NAALADL2: variants seen among roughly 807,000 people sequenced by gnomAD.
NAALADL2 encodes N-acetylated alpha-linked acidic dipeptidase like 2.
NAALADL2 carries 76 observed loss-of-function variants against 87.2 expected under a neutral mutation model. That is an observed-to-expected ratio of 0.87 (90% confidence interval 0.72 to 1.05). The LOEUF (loss-of-function observed/expected upper bound fraction) is 1.05, where lower values mean the gene tolerates loss of function less well. Ranked by LOEUF, NAALADL2 falls within the 50% of genes least tolerant of loss-of-function variation. The pLI, the probability that NAALADL2 is intolerant of heterozygous loss-of-function variation, is 0.00. For missense variants in NAALADL2, 1,089 were observed against 945.8 expected (o/e 1.15, Z -1.99); for synonymous variants, 354 against 331.0 (o/e 1.07, Z -0.75).
At chr3:174,955,451 A>G (rs1741017514) in intron 1 of NAALADL2, among the ~76,000 whole-genome samples, 1 of 152,046 alleles carries the variant, frequency 6.6e-6, no homozygotes, top group African/African-American at 2.4e-5. Context: ...AAGCAGTGAA[A>G]GGTTTTAGGA....
intron 1 of NAALADL2, among the ~76,000 whole-genome samples, chr3:175,064,803 T>C (rs1267038362): frequency 6.6e-6 from 1 of 152,088 alleles, no homozygotes; most frequent in Non-Finnish European, 1.5e-5. Flanking sequence ...GAAAACTCTC[T>C]GCGTAGAAAT....
rs531351731 is a variant in NAALADL2, at chr3:174,664,419, A to G, written c.-114-73222A>G. On this transcript the variant is annotated intron_variant, in intron 2 of 3. Transcript: ENST00000434257. ...ACTAATGCATAAATCATGAACTATG[A>G]GAATCTTTTTATGGGGTTTTTAGAA... Among the ~76,000 whole-genome samples, 6 of 152,276 alleles carry G rather than the reference A, an allele frequency of 3.9e-5. No homozygotes were observed. The South Asian group carries it at 1.2e-3, about 32-fold the overall frequency.
At chr3:175,780,763 T>C (rs1371345456) in intron 13 of NAALADL2, among the ~76,000 whole-genome samples, 1 of 152,184 alleles carries the variant, frequency 6.6e-6, no homozygotes, top group Non-Finnish European at 1.5e-5. Flanking sequence ...AACATTTCAA[T>C]GAAGTCATTT....
intron 11 of NAALADL2, among the ~76,000 whole-genome samples, chr3:175,732,979 G>T (rs1203669610): frequency 6.6e-6 from 1 of 152,010 alleles, no homozygotes; most frequent in Non-Finnish European, 1.5e-5. Flanking sequence ...TAGGTGATGG[G>T]TTGGTAAGTG....
chr3:174,592,629 C>T (rs913951362), intron 2 of NAALADL2, among the ~76,000 whole-genome samples: 5 of 152,112 alleles, frequency 3.3e-5, no homozygotes, highest in Non-Finnish European at 7.4e-5. Flanking sequence ...TTTAAAATTA[C>T]AACATATGAA....
chr3:174,609,224 A>G (rs1018043480), intron 2 of NAALADL2, among the ~76,000 whole-genome samples: 1 of 152,138 alleles, frequency 6.6e-6, no homozygotes, highest in Non-Finnish European at 1.5e-5. Context: ...ATGGGCAAAA[A>G]CTGGAAGCAT....
chr3:174,666,757 C>T (rs1725990806), intron 2 of NAALADL2, among the ~76,000 whole-genome samples: 1 of 152,132 alleles, frequency 6.6e-6, no homozygotes, highest in Non-Finnish European at 1.5e-5. Context: ...TAAGTATATT[C>T]ACATTGTTGT....
intron 1 of NAALADL2, among the ~76,000 whole-genome samples, chr3:174,971,886 T>C (rs1451409004): frequency 1.3e-5 from 2 of 152,116 alleles, no homozygotes; most frequent in African/African-American, 2.4e-5. Context: ...TTAGTAGAGA[T>C]GGATTTTCAC....
rs553795003 is a variant in NAALADL2, at chr3:174,545,853, T to G, written c.-183-4716T>G. ...ATTTTTTATTATTTTTTCATAATTT[T>G]TAGGAAATCTTTATTCTGTGATTAT... On this transcript the variant is annotated intron_variant, in intron 1 of 3. Coordinates refer to the NAALADL2 transcript ENST00000434257. Among the ~76,000 whole-genome samples the G allele has an allele frequency of 2.0e-4, 30 of 151,352 alleles. No individual in the cohort carries two copies. In the South Asian group the frequency reaches 4.3e-3, roughly 22 times the overall value.
intron 9 of NAALADL2, among the ~76,000 whole-genome samples, chr3:175,525,504 TTAAAAC>T (rs1052502976): frequency 3.3e-5 from 5 of 152,154 alleles, no homozygotes; most frequent in African/African-American, 1.2e-4. Context: ...ATCAAAGCAT[TTAAAAC>T]TAAAAAGTTT....
intron 10 of NAALADL2, among the ~76,000 whole-genome samples, chr3:175,580,140 G>A (rs986013247): frequency 1.8e-4 from 27 of 152,034 alleles, no homozygotes; most frequent in African/African-American, 4.6e-4. Flanking sequence ...TTCAAGTACC[G>A]TAGGTATTTT....
intron 9 of NAALADL2, among the ~76,000 whole-genome samples, chr3:175,482,091 T>G (rs188419948): frequency 6.6e-6 from 1 of 152,082 alleles, no homozygotes; most frequent in East Asian, 1.9e-4. Flanking sequence ...GTTATTCACT[T>G]TTCAATAAGA....
In NAALADL2 at chr3:175,234,095, G is replaced by A. The variant is rs1745432827; in HGVS notation, c.710G>A (p.Gly237Asp). The A allele has an allele frequency of 1.2e-6, 2 of 1,613,742 alleles. No individual in the cohort carries two copies. The highest frequency in any genetic ancestry group is 1.7e-5 in the Admixed American group (1 of 59,976). The part of the protein sequence containing the change: ...SPSTVTLSSS[G>D]QCFHPNGQPC... ...AGCACTGTGACTCTGAGCAGCAGTG[G>A]TCAATGCTTTCATCCTAATGGCCAG... Residue 237 changes from glycine (G) to aspartate (D), a missense_variant, in exon 3 of 14, where the codon GGT (glycine) becomes GAT (aspartate). Transcript: ENST00000454872.
At chr3:174,906,123 G>A (rs1468174603) in intron 1 of NAALADL2, among the ~76,000 whole-genome samples, 1 of 151,932 alleles carries the variant, frequency 6.6e-6, no homozygotes, top group East Asian at 1.9e-4. Context: ...TCAGGACATT[G>A]TACATTATAT....
chr3:174,457,546 C>T (rs1160374290), intron 1 of NAALADL2, among the ~76,000 whole-genome samples: 5 of 152,072 alleles, frequency 3.3e-5, no homozygotes, highest in Non-Finnish European at 7.4e-5. Context: ...GTGAGATCAT[C>T]CGGGCACGGA....
chr3:175,241,855 ATTTTTTTT>A (rs779567135), intron 3 of NAALADL2, among the ~76,000 whole-genome samples: 12 of 83,812 alleles, frequency 1.4e-4, no homozygotes, highest in Admixed American at 5.5e-4. Flanking sequence ...TGGATGCTGA[ATTTTTTTT>A]TTTTTTTTTT....
chr3:174,552,459 A>C (rs1712239211), intron 2 of NAALADL2, among the ~76,000 whole-genome samples: 1 of 152,170 alleles, frequency 6.6e-6, no homozygotes, highest in African/African-American at 2.4e-5. Flanking sequence ...TAGATTGACA[A>C]ATAAATTCCT....
At chr3:174,678,852 C>T (rs1016783898) in intron 2 of NAALADL2, among the ~76,000 whole-genome samples, 14 of 152,182 alleles carry the variant, frequency 9.2e-5, no homozygotes, top group Non-Finnish European at 1.9e-4. Flanking sequence ...CCTAGCAAAT[C>T]ACAGACGTTG....
intron 9 of NAALADL2, among the ~76,000 whole-genome samples, chr3:175,481,891 C>T (rs1040925066): frequency 1.3e-4 from 19 of 151,814 alleles, no homozygotes; most frequent in African/African-American, 2.2e-4. Context: ...AACTAACCTA[C>T]GGTAAAAGAA....
Sources: gnomAD v4.1 joint callset for allele counts (sites outside exome capture counted in the v4.1 genomes callset) on GRCh38, gnomAD v4.1.1 for gene constraint, MANE v1.5 for transcripts, NCBI Gene and HGNC (gene_info 2026-07-23, HGNC 2026-07-21) for gene names.